The following GAS2L1 variants were observed in gnomAD, a reference collection of about 807,000 sequenced individuals.
GAS2L1 encodes the protein growth arrest specific 2 like 1.
In GAS2L1, 26 loss-of-function variants were observed where a neutral mutation model predicts 44.0. That is an observed-to-expected ratio of 0.59 (90% CI 0.43 to 0.82). The LOEUF is 0.82. Among genes scored for constraint, GAS2L1 ranks in the 40% least tolerant of loss-of-function variants. The pLI is 0.00. For synonymous variants in GAS2L1, 426 were observed against 415.9 expected (o/e 1.02, Z -0.30); for missense variants, 1,006 against 983.0 (o/e 1.02, Z -0.31).
At chr22:29,308,559 C>G in exon 1 of GAS2L1, 1 of 1,599,002 alleles carries the variant, frequency 6.3e-7, no homozygotes, top group Non-Finnish European at 8.5e-7. Context: ...ACGCCTGGGC[C>G]TGCTGGCCCC....
intron 1 of GAS2L1, among the ~76,000 whole-genome samples, chr22:29,309,338 G>A (rs2147897498): frequency 6.6e-6 from 1 of 152,350 alleles, no homozygotes; most frequent in African/African-American, 2.4e-5. Flanking sequence ...CTAAGCATAG[G>A]CGTTGCTGGG....
intron 2 of GAS2L1, 37 bp from the exon 4 acceptor site, chr22:29,310,601 C>A: frequency 6.3e-7 from 1 of 1,581,924 alleles, no homozygotes; most frequent in Non-Finnish European, 8.7e-7. Context: ...GGCTGCGGGG[C>A]GCCCGGGGCA....
chr22:29,310,330 C>T, intron 1 of GAS2L1, 109 bp from the exon 3 acceptor site: 2 of 683,230 alleles, frequency 2.9e-6, no homozygotes, highest in South Asian at 3.5e-5. Context: ...ACACTGCCTC[C>T]ATCCACTTAC....
chr22:29,311,571 A>ACAGGCACTGGCC, exon 5 of GAS2L1: 1 of 1,542,402 alleles, frequency 6.5e-7, no homozygotes, highest in Non-Finnish European at 8.7e-7. Context: ...CAGTGATGAC[A>ACAGGCACTGGCC]CAGGCACTGG....
rs747466957 is a variant in GAS2L1 at position 29,312,446 on chromosome 22, G to C, written c.1995G>C (p.Trp665Cys). Reference sequence around the variant, plus strand: ...CCGGACCCGCAGAGCTGGGGACATGGCATGCCCTGCACTCAGTCACCCCGA... The same window carrying C: ...CCGGACCCGCAGAGCTGGGGACATGCCATGCCCTGCACTCAGTCACCCCGA... The change falls in exon 5 of 5, where the codon TGG (tryptophan) becomes TGC (cysteine). Residue 665 changes from tryptophan (W) to cysteine (C), a missense_variant. Trp to Cys is a radical substitution (Grantham distance 215). Coordinates refer to ENST00000618518, the Ensembl canonical transcript of GAS2L1. 5.9e-6 allele frequency: 9 copies of C among 1,530,910 alleles called. No individual in the cohort carries two copies. In the South Asian group the frequency reaches 9.0e-5, roughly 15 times the overall value. 94.8% of individuals were successfully genotyped at this position (1,530,910 alleles called of 1,614,324 possible). A position where few individuals can be genotyped will look rare whatever the true frequency, so the allele number is the denominator to read the frequency against.
exon 5 of GAS2L1, chr22:29,311,751 G>T (rs902321986): frequency 2.6e-6 from 4 of 1,535,296 alleles, no homozygotes; most frequent in Non-Finnish European, 3.5e-6. Flanking sequence ...TGCCCGGCGG[G>T]CCCGGAGCCA....
At chr22:29,311,761 A>T (rs957729166) in exon 5 of GAS2L1, 7 of 1,538,880 alleles carry the variant, frequency 4.5e-6, no homozygotes, top group Non-Finnish European at 6.1e-6. Flanking sequence ...GCCCGGAGCC[A>T]GAGCCGCGAG....
rs2061399951 is a variant in GAS2L1, at chr22:29,311,050, AG to A, written c.1010+53del. 3.9e-6 allele frequency: 6 copies of A among 1,520,762 alleles called. No individual in the cohort carries two copies. The East Asian group carries it at 1.4e-4, about 34-fold the overall frequency. The allele number at this position is 1,520,762 out of a possible 1,614,324, so 94.2% of individuals were successfully genotyped here. A position where few individuals can be genotyped will look rare whatever the true frequency, so the allele number is the denominator to read the frequency against. On this transcript the variant is annotated intron_variant, in intron 4 of 4. Coordinates refer to ENST00000618518, the Ensembl canonical transcript of GAS2L1. ...GGGGTCCAGAGGGTGGGGGGGCGTC[AG>A]CCCTGGCCTGCATGATGGGTTGCCT... is the stretch of plus-strand genomic sequence containing the variant.
At chr22:29,312,010 G>T in exon 5 of GAS2L1, 1 of 1,611,808 alleles carries the variant, frequency 6.2e-7, no homozygotes, top group Non-Finnish European at 8.5e-7. Flanking sequence ...CTGTTCCGGC[G>T]CCTGGAAGAG....
chr22:29,312,522 C>T, exon 5 of GAS2L1: 2 of 1,463,602 alleles, frequency 1.4e-6, no homozygotes, highest in South Asian at 2.9e-5. Flanking sequence ...TGTCCCCAGA[C>T]CCCATCCCTT....
chr22:29,312,514 T>TC (rs763779282), exon 5 of GAS2L1: 46 of 1,483,504 alleles, frequency 3.1e-5, no homozygotes, highest in Middle Eastern at 1.8e-4. Flanking sequence ...AGCTCAGCTG[T>TC]CCCCAGACCC....
At chr22:29,308,703 A>G (rs2061375268) in exon 1 of GAS2L1, 5 of 1,502,350 alleles carry the variant, frequency 3.3e-6, no homozygotes, top group Non-Finnish European at 4.4e-6. Context: ...CGGCCCCCGC[A>G]TGACACCCAG....
exon 5 of GAS2L1, chr22:29,312,150 T>A: frequency 6.2e-7 from 1 of 1,612,906 alleles, no homozygotes; most frequent in Non-Finnish European, 8.5e-7. Flanking sequence ...CAGTTCCTCC[T>A]CTTCGTCCCT....
chr22:29,312,477 G>A (rs754042545), exon 5 of GAS2L1: 18 of 1,510,586 alleles, frequency 1.2e-5, no homozygotes, highest in Non-Finnish European at 1.6e-5. Context: ...CCCGAGGGCT[G>A]AGCCAGATTC....
chr22:29,310,824 C>A lies in GAS2L1; in HGVS notation c.839-3C>A, dbSNP rs372445961. On this transcript the variant is annotated splice_region_variant and splice_polypyrimidine_tract_variant and intron_variant, in intron 3 of 4. Transcript: ENST00000618518. Reference sequence around the variant, plus strand: ...ACATGCTGCCTGTCCTCTCTCCCCGCAGCTCATCGCCCACCCCAGCCGAGG... The same window carrying A: ...ACATGCTGCCTGTCCTCTCTCCCCGAAGCTCATCGCCCACCCCAGCCGAGG... 13 of 1,608,600 alleles carry A rather than the reference C, an allele frequency of 8.1e-6. No homozygotes were observed. The African/African-American group carries it at 1.5e-4, about 18-fold the overall frequency.
chr22:29,311,813 G>A lies in GAS2L1; in HGVS notation c.1362G>A (p.Gln454=), dbSNP rs1241275526. 3.1e-6 allele frequency: 5 copies of A among 1,587,676 alleles called. No homozygotes were observed. The Admixed American group carries it at 8.5e-5, about 27-fold the overall frequency. ...TTGTGCGCAGGGATCGAGACGGGCA[G>A]CACTCATGGGTGCCAAGGGGCAGGG... Residue 454 remains glutamine (Q), a synonymous_variant, in exon 5 of 5, where the codon CAG becomes CAA. Coordinates refer to ENST00000618518, the Ensembl canonical transcript of GAS2L1.
chr22:29,306,846 G>A (rs560273793), upstream of GAS2L1: 1 of 152,384 alleles, frequency 6.6e-6, no homozygotes, highest in Admixed American at 6.5e-5. Context: ...GGGGCCCTGG[G>A]GCTCTCTGCG....
chr22:29,311,065 G>A, intron 4 of GAS2L1, 67 bp downstream of exon 5: 1 of 1,446,388 alleles, frequency 6.9e-7, no homozygotes, highest in Non-Finnish European at 9.4e-7. Context: ...TGGCCTGCAT[G>A]ATGGGTTGCC....
Position 29,311,008 on chromosome 22 carries a change from A to G in GAS2L1, c.1010+10A>G, listed in dbSNP as rs764176497. The G allele has an allele frequency of 6.2e-7, 1 of 1,607,262 alleles. No individual in the cohort carries two copies. The highest frequency in any genetic ancestry group is 1.1e-5 in the South Asian group (1 of 90,396). On this transcript the variant is annotated intron_variant, in intron 4 of 4. Transcript: ENST00000618518. ...CCGAGACCCCACCCAGGTGAGATGC[A>G]GGAGGACGAGGAGTGAGGGGTCCAG...
Sources: gnomAD v4.1 joint callset for allele counts (sites outside exome capture counted in the v4.1 genomes callset) on GRCh38, gnomAD v4.1.1 for gene constraint, MANE v1.5 for transcripts, NCBI Gene and HGNC (gene_info 2026-07-23, HGNC 2026-07-21) for gene names.